ELAVL4: variants seen among roughly 807,000 people sequenced by gnomAD.
ELAVL4 encodes ELAV-like protein 4.
ELAVL4 carries 1 observed loss-of-function variant against 35.6 expected under a neutral mutation model. The observed-to-expected ratio is 0.03, with a 90% CI of 0.01 to 0.13. The LOEUF (loss-of-function observed/expected upper bound fraction) is 0.13, where lower values mean the gene tolerates loss of function less well. Ranked by LOEUF, ELAVL4 falls within the 10% of genes least tolerant of loss-of-function variation. The probability of loss-of-function intolerance (pLI) is 1.00; values close to 1 mark genes in which losing one functional copy is unlikely to be tolerated. For synonymous variants in ELAVL4, 156 were observed against 171.0 expected (o/e 0.91, Z 0.69); for missense variants, 267 against 464.9 (o/e 0.57, Z 3.91).
chr1:50,048,984 CT>C (rs1663217841), intron 1 of ELAVL4, among the ~76,000 whole-genome samples: 1 of 152,108 alleles, frequency 6.6e-6, no homozygotes, highest in South Asian at 2.1e-4. Context: ...AGGAGAGAAC[CT>C]CCCCTCCCCC....
At chr1:50,148,982 G>A (rs912518125) in intron 2 of ELAVL4, among the ~76,000 whole-genome samples, 9 of 152,256 alleles carry the variant, frequency 5.9e-5, no homozygotes, top group Admixed American at 2.0e-4. Flanking sequence ...CTCAGGGTAT[G>A]TCTTGAAACC....
intron 3 of ELAVL4, among the ~76,000 whole-genome samples, chr1:50,192,448 G>C (rs569072991): frequency 6.6e-6 from 1 of 151,298 alleles, no homozygotes; most frequent in Non-Finnish European, 1.5e-5. Flanking sequence ...ACTGCTGGAG[G>C]TTTAGGTCTT....
At chr1:50,177,282 G>A (rs934054706) in intron 3 of ELAVL4, 90 bp downstream of exon 3, 1 of 955,226 alleles carries the variant, frequency 1.0e-6, no homozygotes. Context: ...GTGGGGGCTG[G>A]AAGCAGTGTT....
chr1:50,122,209 G>T (rs970899747), intron 1 of ELAVL4, among the ~76,000 whole-genome samples: 2 of 152,006 alleles, frequency 1.3e-5, no homozygotes, highest in Admixed American at 6.6e-5. Context: ...GTATTAAAGT[G>T]CCTACTATGT....
At chr1:50,071,331 C>A (rs1023412318) in intron 1 of ELAVL4, among the ~76,000 whole-genome samples, 2 of 152,208 alleles carry the variant, frequency 1.3e-5, no homozygotes, top group African/African-American at 4.8e-5. Context: ...CTCCTCATTA[C>A]GCCATGGACA....
At chr1:50,145,783 C>A (rs773949647) in intron 2 of ELAVL4, among the ~76,000 whole-genome samples, 1 of 152,110 alleles carries the variant, frequency 6.6e-6, no homozygotes, top group South Asian at 2.1e-4. Context: ...TCTGTCTGTT[C>A]GTTTTGAAGA....
intron 1 of ELAVL4, among the ~76,000 whole-genome samples, chr1:50,094,677 G>T (rs1456862679): frequency 6.6e-6 from 1 of 151,706 alleles, no homozygotes; most frequent in African/African-American, 2.4e-5. Context: ...AGTCCAAAGT[G>T]GGCAGATCAC....
chr1:50,200,649 G>C (rs927726817), intron 6 of ELAVL4, among the ~76,000 whole-genome samples: 1 of 152,174 alleles, frequency 6.6e-6, no homozygotes, highest in Admixed American at 6.5e-5. Context: ...CTCTCAGCAT[G>C]AACATGCCCT....
chr1:50,199,716 A>G lies in ELAVL4; in HGVS notation c.774-1135A>G. On this transcript the variant is annotated intron_variant, in intron 6 of 6. Transcript: ENST00000371824. ...GAGTGAGACTCCATCTCAAAAAAAA[A>G]AGAAAGAAAGAAAGAAAGAAAAAAA... Among the ~76,000 whole-genome samples the G allele has an allele frequency of 1.3e-5, 2 of 151,222 alleles. 1 individual carries two copies. Among genetic ancestry groups the G allele is most frequent in the Non-Finnish European group, 2.9e-5 (2 of 67,906 alleles).
chr1:50,083,184 G>A (rs1265132653), intron 1 of ELAVL4, among the ~76,000 whole-genome samples: 5 of 152,130 alleles, frequency 3.3e-5, no homozygotes, highest in Non-Finnish European at 2.9e-5. Flanking sequence ...ATCCTCCTGA[G>A]TAGCTGGGAA....
At chr1:50,078,106 T>TTGTGTGTGTGTG (rs56818675) in intron 1 of ELAVL4, among the ~76,000 whole-genome samples, 1,672 of 145,024 alleles carry the variant, frequency 0.012, 27 homozygotes, top group African/African-American at 0.035. Flanking sequence ...AATATATACC[T>TTGTGTGTGTGTG]TGTGTGTGTG....
intron 1 of ELAVL4, among the ~76,000 whole-genome samples, chr1:50,119,728 C>G (rs188282905): frequency 1.3e-5 from 2 of 151,878 alleles, no homozygotes; most frequent in Admixed American, 1.3e-4. Flanking sequence ...AGAACAAGTT[C>G]GCATTCTAGA....
Position 50,061,917 on chromosome 1 carries a change from T to C in ELAVL4, c.18+13735T>C, listed in dbSNP as rs150786776. 8.7e-3 allele frequency among the ~76,000 whole-genome samples: 1,332 copies of C among 152,338 alleles called. 8 individuals carry two copies. The highest frequency in any genetic ancestry group is 0.014 in the Non-Finnish European group (951 of 68,028). On this transcript the variant is annotated intron_variant, in intron 1 of 6. Transcript: ENST00000448907. ...CAGCAAACTAATAAATCTCTTGCAC[T>C]TCTGTCTGTCTCATTGTCTGTTTCT...
intron 6 of ELAVL4, among the ~76,000 whole-genome samples, chr1:50,200,261 A>G (rs996228248): frequency 6.6e-6 from 1 of 152,140 alleles, no homozygotes; most frequent in African/African-American, 2.4e-5. Flanking sequence ...AGGGAGTGCA[A>G]AAATGGTAGA....
chr1:50,114,670 C>G (rs1269121122), intron 1 of ELAVL4, among the ~76,000 whole-genome samples: 1 of 152,042 alleles, frequency 6.6e-6, no homozygotes, highest in African/African-American at 2.4e-5. Flanking sequence ...TTTCTCTGAA[C>G]CTTGACTTTG....
At chr1:50,193,673 T>C in intron 3 of ELAVL4, 92 bp from the exon 4 acceptor site, 2 of 1,441,404 alleles carry the variant, frequency 1.4e-6, no homozygotes, top group South Asian at 2.8e-5. Context: ...GTTGTAACGG[T>C]AGATGAGGGG....
intron 5 of ELAVL4, 33 bp downstream of exon 5, chr1:50,195,819 A>G (rs1035351744): frequency 1.2e-6 from 2 of 1,611,580 alleles, no homozygotes; most frequent in Non-Finnish European, 1.7e-6. Flanking sequence ...AAGCCCTGCT[A>G]CAGGGGTTCA....
chr1:50,109,452 G>C (rs150633700), intron 1 of ELAVL4, among the ~76,000 whole-genome samples: 3 of 152,032 alleles, frequency 2.0e-5, no homozygotes, highest in Non-Finnish European at 4.4e-5. Flanking sequence ...TGGAGGGGGA[G>C]GGCTGAAATA....
At chr1:50,155,070 T>C (rs566489538) in intron 2 of ELAVL4, among the ~76,000 whole-genome samples, 235 of 151,820 alleles carry the variant, frequency 1.5e-3, no homozygotes, top group Non-Finnish European at 2.8e-3. Flanking sequence ...ATGTGCACAA[T>C]ATGCAGGTTA....
Sources: gnomAD v4.1 joint callset for allele counts (sites outside exome capture counted in the v4.1 genomes callset) on GRCh38, gnomAD v4.1.1 for gene constraint, MANE v1.5 for transcripts, NCBI Gene and HGNC (gene_info 2026-07-23, HGNC 2026-07-21) for gene names.